The following ESYT3 variants were observed in gnomAD, a reference collection of about 807,000 sequenced individuals.
ESYT3 encodes the protein extended synaptotagmin 3, also known as extended synaptotagmin-3.
ESYT3 carries 101 observed loss-of-function variants against 111.5 expected under a neutral mutation model. The observed-to-expected ratio is 0.91, with a 90% CI of 0.77 to 1.07. The LOEUF is 1.07. Among genes scored for constraint, ESYT3 ranks in the 50% least tolerant of loss-of-function variants. The pLI is 0.00. For missense variants in ESYT3, 1,097 were observed against 1,109.4 expected (o/e 0.99, Z 0.16); for synonymous variants, 416 against 446.8 (o/e 0.93, Z 0.87).
In ESYT3 at chr3:138,478,486, A is replaced by G. The variant is rs1257021352; in HGVS notation, c.*1632A>G. 2 of 152,218 alleles carry G rather than the reference A, an allele frequency of 1.3e-5. No individual in the cohort carries two copies. The highest frequency in any genetic ancestry group is 6.5e-5 in the Admixed American group (1 of 15,282). 9.4% of individuals were successfully genotyped at this position (152,218 alleles called of 1,614,324 possible). On this transcript the variant is annotated 3_prime_UTR_variant, in exon 23 of 23. Coordinates refer to ENST00000389567, the MANE Select transcript of ESYT3 (RefSeq NM_031913.5). ...AGTGCCTTGAAAATGGAGAAGCACC[A>G]GAGAAATAAGGGAATGTATCATATG...
chr3:138,438,731 G>A (rs547509941), intron 1 of ESYT3, among the ~76,000 whole-genome samples: 1 of 152,328 alleles, frequency 6.6e-6, no homozygotes, highest in Non-Finnish European at 1.5e-5. Context: ...TGGCCCTGAT[G>A]TCTGATTTCT....
chr3:138,474,307 A>C lies in ESYT3; in HGVS notation c.2423A>C (p.Lys808Thr), dbSNP rs2033384077. The stretch of plus-strand genomic sequence containing the variant: ...GAAAGGAAGTGGGCATGTCGTAAGA[A>C]GACTTCAGTGAAGCGGAAGACCTTG... ...LPERKWACRK[K>T]TSVKRKTLEP... Residue 808 changes from lysine to threonine, a missense_variant, in exon 20 of 23, where the codon AAG becomes ACG. Physicochemically the swap from Lys to Thr is moderately conservative, Grantham distance 78. Transcript: ENST00000389567. 5 of 1,606,918 alleles carry C rather than the reference A, an allele frequency of 3.1e-6. No homozygotes were observed. The highest frequency in any genetic ancestry group is 4.2e-6 in the Non-Finnish European group (5 of 1,178,360).
chr3:138,466,340 C>CA (rs2032926649), intron 10 of ESYT3, among the ~76,000 whole-genome samples: 1 of 152,186 alleles, frequency 6.6e-6, no homozygotes, highest in Non-Finnish European at 1.5e-5. Flanking sequence ...AGAAACAAAA[C>CA]AAACTGGGAG....
rs1167287995 is a variant in ESYT3, at chr3:138,478,896, C to T, written c.*2042C>T. The T allele has an allele frequency of 6.6e-6, 1 of 151,984 alleles. No individual in the cohort carries two copies. The highest frequency in any genetic ancestry group is 1.5e-5 in the Non-Finnish European group (1 of 68,010). 9.4% of individuals were successfully genotyped at this position (151,984 alleles called of 1,614,324 possible). On this transcript the variant is annotated 3_prime_UTR_variant, in exon 23 of 23. Coordinates refer to ENST00000389567, the MANE Select transcript of ESYT3 (RefSeq NM_031913.5). Reference sequence around the variant, plus strand: ...GTTAACATCATCTTGGTACAGAAACCCCCAAACCTAAGACGGAATGTGAAT... The same window carrying T: ...GTTAACATCATCTTGGTACAGAAACTCCCAAACCTAAGACGGAATGTGAAT...
intron 7 of ESYT3, among the ~76,000 whole-genome samples, chr3:138,461,236 T>C (rs904154162): frequency 1.1e-4 from 17 of 152,096 alleles, no homozygotes; most frequent in African/African-American, 3.9e-4. Flanking sequence ...CCAAACCAAG[T>C]GTGTGGTGAG....
chr3:138,468,840 A>C lies in ESYT3; in HGVS notation c.1393A>C (p.Asn465His). ...GCAGAGAAACCCTTTTGACTACCTG[A>C]ATGGTGAATATCGAGCCAAAAAACT... is the stretch of plus-strand genomic sequence containing the variant. ...NLPRNPFDYL[N>H]GEYRAKKLSR... The change falls in exon 14 of 23, where the codon AAT becomes CAT. Residue 465 changes from asparagine (N) to histidine (H), a missense_variant. Coordinates refer to ENST00000389567, the MANE Select transcript of ESYT3 (RefSeq NM_031913.5). 2 of 1,614,142 alleles carry C rather than the reference A, an allele frequency of 1.2e-6. No individual in the cohort carries two copies.
intron 1 of ESYT3, among the ~76,000 whole-genome samples, chr3:138,437,924 G>C (rs1215149364): frequency 6.6e-6 from 1 of 152,182 alleles, no homozygotes; most frequent in Admixed American, 6.5e-5. Context: ...ATGAACACCT[G>C]TGAAGTGCAT....
rs1050983123 is a variant in ESYT3, at chr3:138,469,640, A to G, written c.1503+136A>G. On this transcript the variant is annotated intron_variant, in intron 15 of 22. Coordinates refer to ENST00000389567, the MANE Select transcript of ESYT3 (RefSeq NM_031913.5). ...CTTGATGTTATTTAGTCTTCAGAAT[A>G]ACCTCACAAAATAGTTTTATAATTC... 12 of 661,448 alleles carry G rather than the reference A, an allele frequency of 1.8e-5. No homozygotes were observed. The South Asian group carries it at 2.3e-4, about 13-fold the overall frequency. The allele number at this position is 661,448 out of a possible 1,614,324, so 41.0% of individuals were successfully genotyped here.
At chr3:138,443,091 C>T (rs993549079) in intron 1 of ESYT3, among the ~76,000 whole-genome samples, 5 of 152,154 alleles carry the variant, frequency 3.3e-5, no homozygotes, top group Non-Finnish European at 7.3e-5. Context: ...GCCCTTATTC[C>T]TTAGCAAAGA....
chr3:138,458,168 A>T (rs2032401978), intron 4 of ESYT3, among the ~76,000 whole-genome samples: 1 of 152,216 alleles, frequency 6.6e-6, no homozygotes, highest in African/African-American at 2.4e-5. Flanking sequence ...ACTTTAAAAG[A>T]CAAAGGACCA....
rs181227567 is a variant in ESYT3 at position 138,451,251 on chromosome 3, T to A, written c.328-797T>A. Among the ~76,000 whole-genome samples the A allele has an allele frequency of 3.3e-3, 507 of 152,224 alleles. 2 individuals carry two copies. Among genetic ancestry groups the A allele is most frequent in the African/African-American group, 0.012 (489 of 41,536 alleles). On this transcript the variant is annotated intron_variant, in intron 1 of 22. Transcript: ENST00000389567. ...TGGTTAGGGGTTGTGACCCCGTAGT[T>A]GGAAGCTATGTGACTATAGGAAGGG...
At position 138,447,349 on chromosome 3, in the gene ESYT3, A is replaced by G. The variant is rs78086903; in HGVS notation, c.328-4699A>G. 9.6e-3 allele frequency among the ~76,000 whole-genome samples: 1,465 copies of G among 152,276 alleles called. 17 individuals are homozygous for G. The highest frequency in any genetic ancestry group is 0.033 in the African/African-American group (1,359 of 41,550). On this transcript the variant is annotated intron_variant, in intron 1 of 22. Transcript: ENST00000389567. ...GTTCAGGCCACAAAGAAATAAAATT[A>G]TTATTAGAAAACAGCAAAAATATAT...
Position 138,476,890 on chromosome 3 carries a change from ATG to A in ESYT3, c.*38_*39del, listed in dbSNP as rs1168222661. 1 of 1,500,462 alleles carries A rather than the reference ATG, an allele frequency of 6.7e-7. No homozygotes were observed. The highest frequency in any genetic ancestry group is 9.1e-7 in the Non-Finnish European group (1 of 1,101,586). The allele number at this position is 1,500,462 out of a possible 1,614,324, so 92.9% of individuals were successfully genotyped here. On this transcript the variant is annotated 3_prime_UTR_variant, in exon 23 of 23. Coordinates refer to ENST00000389567, the MANE Select transcript of ESYT3 (RefSeq NM_031913.5). ...TCTTATCACTCACCTTTATATTAAA[ATG>A]TATATATATGTATATATTTTTTCCT...
chr3:138,468,270 A>G (rs906763253), intron 12 of ESYT3, 76 bp downstream of exon 12: 60 of 1,389,772 alleles, frequency 4.3e-5, no homozygotes, highest in Non-Finnish European at 5.9e-5. Flanking sequence ...AGGTGGAGGA[A>G]GGGTGGGAGA....
rs548347175 is a variant in ESYT3 at position 138,435,379 on chromosome 3, G to A, written c.327+254G>A. Reference sequence around the variant, plus strand: ...GTGGGGAACTTGGGTTTCATTTAAGGCCCCAGAGCTCGAGAGAAGAGTCAC... The same window carrying A: ...GTGGGGAACTTGGGTTTCATTTAAGACCCCAGAGCTCGAGAGAAGAGTCAC... On this transcript the variant is annotated intron_variant, in intron 1 of 22. Transcript: ENST00000389567. The surrounding 1 kb of genome is among the most constrained non-coding windows in gnomAD (Gnocchi z 4.8). 3.3e-5 allele frequency among the ~76,000 whole-genome samples: 5 copies of A among 152,314 alleles called. No individual in the cohort carries two copies. Among genetic ancestry groups the A allele is most frequent in the African/African-American group, 1.2e-4 (5 of 41,562 alleles).
intron 7 of ESYT3, 151 bp from the exon 8 acceptor site, chr3:138,461,935 C>A: frequency 9.3e-7 from 1 of 1,071,612 alleles, no homozygotes; most frequent in Non-Finnish European, 1.4e-6. Context: ...TAGGCACACC[C>A]ACCCCTACCC....
chr3:138,452,092 A>G lies in ESYT3; in HGVS notation c.369+3A>G. On this transcript the variant is annotated splice_donor_region_variant and intron_variant, in intron 2 of 22. Transcript: ENST00000389567. ...AGCGGGTCGAGTGGGCCAACAAGGTAAGGCCGCTGGCAGGGCCTAGCAGGG... is the reference window on the plus strand; with the variant it reads ...AGCGGGTCGAGTGGGCCAACAAGGTGAGGCCGCTGGCAGGGCCTAGCAGGG... The G allele has an allele frequency of 6.2e-7, 1 of 1,607,586 alleles. No homozygotes were observed. Among genetic ancestry groups the G allele is most frequent in the Non-Finnish European group, 8.5e-7 (1 of 1,179,750 alleles).
At chr3:138,474,407 G>C in intron 20 of ESYT3, 55 bp downstream of exon 20, 1 of 1,527,102 alleles carries the variant, frequency 6.5e-7, no homozygotes, top group Non-Finnish European at 8.7e-7. Context: ...TATTTTCCAA[G>C]TACCTGTTAT....
At chr3:138,448,942 T>G (rs1344449522) in intron 1 of ESYT3, among the ~76,000 whole-genome samples, 2 of 152,014 alleles carry the variant, frequency 1.3e-5, no homozygotes, top group African/African-American at 2.4e-5. Context: ...ATTGTTGCTT[T>G]CTTCATGGGG....
Sources: gnomAD v4.1 joint callset for allele counts (sites outside exome capture counted in the v4.1 genomes callset) on GRCh38, gnomAD v4.1.1 for gene constraint, Gnocchi (gnomAD v3.1) non-coding constraint, MANE v1.5 for transcripts, NCBI Gene and HGNC (gene_info 2026-07-23, HGNC 2026-07-21) for gene names.